The following POR variants were observed in gnomAD, a reference collection of about 807,000 sequenced individuals.
POR encodes NADPH--cytochrome P450 reductase.
In POR, 56 loss-of-function variants were observed where a neutral mutation model predicts 84.0. That is an observed-to-expected ratio of 0.67 (90% CI 0.54 to 0.83). The LOEUF is 0.83. POR is among the 40% of genes least tolerant of loss of function. The probability of loss-of-function intolerance (pLI) is 0.00; values close to 1 mark genes in which losing one functional copy is unlikely to be tolerated. For synonymous variants in POR, 414 were observed against 400.5 expected (o/e 1.03, Z -0.40); for missense variants, 938 against 944.3 (o/e 0.99, Z 0.09).
At chr7:75,960,988 T>C (rs148039607) in intron 2 of POR, among the ~76,000 whole-genome samples, 3,936 of 152,160 alleles carry the variant, frequency 0.026, 161 homozygotes, top group African/African-American at 0.087. Context: ...ATCCCAGCAC[T>C]CTGGGAGGCC....
chr7:75,966,230 T>C (rs1321540235), intron 2 of POR, among the ~76,000 whole-genome samples: 2 of 152,136 alleles, frequency 1.3e-5, no homozygotes, highest in Non-Finnish European at 2.9e-5. Flanking sequence ...CACACCTGCT[T>C]TCACCTCCCC....
intron 1 of POR, among the ~76,000 whole-genome samples, chr7:75,917,348 G>T (rs1379131624): frequency 6.6e-6 from 1 of 150,528 alleles, no homozygotes; most frequent in Non-Finnish European, 1.5e-5. Context: ...GATTACAGGT[G>T]TGAGCCACCG....
intron 3 of POR, chr7:75,972,671 C>T: frequency 1.6e-6 from 1 of 641,292 alleles, no homozygotes; most frequent in Non-Finnish European, 2.8e-6. Flanking sequence ...TTCCTTGAAT[C>T]TTTACTTTTT....
chr7:75,983,326 G>A (rs1789172902), intron 8 of POR, 194 bp from the exon 9 acceptor site: 3 of 532,236 alleles, frequency 5.6e-6, no homozygotes, highest in East Asian at 3.0e-5. Flanking sequence ...GGGTGGCAGA[G>A]CGAAACTCTG....
chr7:75,951,270 C>T (rs554825398), intron 1 of POR, among the ~76,000 whole-genome samples: 8 of 150,712 alleles, frequency 5.3e-5, no homozygotes, highest in African/African-American at 1.2e-4. Flanking sequence ...GGCGGGCACC[C>T]GTAGTCCCAG....
intron 3 of POR, among the ~76,000 whole-genome samples, chr7:75,977,793 AAAAAG>A (rs1235419523): frequency 7.9e-5 from 12 of 152,214 alleles, no homozygotes; most frequent in African/African-American, 9.7e-5. Context: ...CAAAAATAAA[AAAAAG>A]AAAAGAAAAA....
At chr7:75,984,658 C>T in intron 10 of POR, 119 bp from the exon 11 acceptor site, 2 of 886,750 alleles carry the variant, frequency 2.3e-6, no homozygotes. Flanking sequence ...TTGTTTCCAG[C>T]ACCAGCTGGG....
intron 10 of POR, among the ~76,000 whole-genome samples, chr7:75,984,372 G>T (rs749180946): frequency 9.3e-4 from 141 of 152,290 alleles, no homozygotes; most frequent in Non-Finnish European, 9.4e-4. Context: ...TCACCAACCT[G>T]GGCCGAGCCC....
chr7:75,956,640 G>A (rs1193714752), intron 2 of POR, among the ~76,000 whole-genome samples: 4 of 152,112 alleles, frequency 2.6e-5, no homozygotes, highest in Non-Finnish European at 4.4e-5. Flanking sequence ...TGCGTTGATC[G>A]TATTTCGTGC....
intron 3 of POR, among the ~76,000 whole-genome samples, chr7:75,978,695 G>A (rs1210701866): frequency 1.3e-5 from 2 of 148,986 alleles, no homozygotes; most frequent in South Asian, 2.1e-4. Flanking sequence ...GGCTAATTTT[G>A]TATTTTTAGT....
intron 1 of POR, among the ~76,000 whole-genome samples, chr7:75,922,375 G>A (rs1293794867): frequency 6.7e-6 from 1 of 150,154 alleles, no homozygotes; most frequent in Non-Finnish European, 1.5e-5. Flanking sequence ...CCAGGCTGGA[G>A]TGCAGTGGCG....
At chr7:75,979,648 G>T in intron 4 of POR, 69 bp downstream of exon 4, 1 of 1,578,622 alleles carries the variant, frequency 6.3e-7, no homozygotes, top group South Asian at 1.1e-5. Flanking sequence ...TCTGTAGGGC[G>T]CCCCTCAGCA....
chr7:75,953,451 A>G (rs1787543131), intron 1 of POR, among the ~76,000 whole-genome samples: 1 of 152,050 alleles, frequency 6.6e-6, no homozygotes, highest in Non-Finnish European at 1.5e-5. Flanking sequence ...CCAAGGTTTT[A>G]GGAATACAGA....
intron 7 of POR, 88 bp downstream of exon 7, chr7:75,981,694 C>G: frequency 8.9e-7 from 1 of 1,129,304 alleles, no homozygotes; most frequent in Admixed American, 2.2e-5. Context: ...GGCAGTGGGT[C>G]GCAGCAAGGT....
chr7:75,924,456 C>T (rs1221327863), intron 1 of POR, among the ~76,000 whole-genome samples: 1 of 152,080 alleles, frequency 6.6e-6, no homozygotes, highest in African/African-American at 2.4e-5. Context: ...CCGAGGTGGA[C>T]GGATCACTAG....
At chr7:75,958,830 TAAAC>T (rs1554554122) in intron 2 of POR, among the ~76,000 whole-genome samples, 1 of 151,348 alleles carries the variant, frequency 6.6e-6, no homozygotes, top group Non-Finnish European at 1.5e-5. Context: ...ATCTCTACAA[TAAAC>T]AAAAAAGAGT....
chr7:75,954,185 G>C lies in POR; in HGVS notation c.188+5G>C. On this transcript the variant is annotated splice_donor_5th_base_variant and intron_variant, in intron 2 of 15. Transcript: ENST00000461988. Reference sequence around the variant, plus strand: ...GTTCACCAAAATTCAGACATTGTAAGTGCCGCCTCTCAGCCTCCTCTCTCT... The same window carrying C: ...GTTCACCAAAATTCAGACATTGTAACTGCCGCCTCTCAGCCTCCTCTCTCT... 1 of 1,603,958 alleles carries C rather than the reference G, an allele frequency of 6.2e-7. No individual in the cohort carries two copies. The highest frequency in any genetic ancestry group is 1.3e-5 in the African/African-American group (1 of 74,766).
At chr7:75,918,166 T>A (rs1168821938) in intron 1 of POR, among the ~76,000 whole-genome samples, 3 of 151,984 alleles carry the variant, frequency 2.0e-5, no homozygotes, top group African/African-American at 7.2e-5. Flanking sequence ...AATTAGCCGG[T>A]GTGGTGGTGT....
intron 4 of POR, 79 bp from the exon 5 acceptor site, chr7:75,980,260 G>A: frequency 6.6e-7 from 1 of 1,523,452 alleles, no homozygotes; most frequent in Non-Finnish European, 8.9e-7. Flanking sequence ...GCAGGACCTG[G>A]CCTTCCCCAT....
Sources: allele counts gnomAD v4.1 joint callset (sites outside exome capture counted in the v4.1 genomes callset), GRCh38; gene constraint gnomAD v4.1.1; transcripts MANE v1.5; gene names NCBI Gene and HGNC (gene_info 2026-07-23, HGNC 2026-07-21).